Variants in LSM12 observed in about 807,000 individuals in gnomAD.
LSM12 encodes protein LSM12.
For synonymous variants in LSM12, 74 were observed against 87.3 expected, an observed-to-expected ratio of 0.85 and a Z score of 0.85; for missense variants, 108 against 238.9, an observed-to-expected ratio of 0.45 and a Z score of 3.61.
At chr17:44,046,289 C>CT (rs1555624030) in intron 2 of LSM12, among the ~76,000 whole-genome samples, 13 of 152,004 alleles carry the variant, frequency 8.6e-5, no homozygotes, top group Non-Finnish European at 1.5e-5. Flanking sequence ...TAAAAAGTCT[C>CT]TGTGTGTGGA....
intron 2 of LSM12, among the ~76,000 whole-genome samples, chr17:44,056,449 T>C (rs664610): frequency 0.93 from 141,093 of 152,042 alleles, 65,580 homozygotes; most frequent in East Asian, 1. Context: ...ACTCCCCAAC[T>C]GACAAAAAAT....
intron 2 of LSM12, among the ~76,000 whole-genome samples, chr17:44,061,146 C>T (rs1262291097): frequency 1.3e-5 from 2 of 151,894 alleles, no homozygotes; most frequent in South Asian, 4.1e-4. Flanking sequence ...GGAGAAACCC[C>T]GTCTCTACTA....
At chr17:44,066,743 G>C (rs1383898156), upstream of LSM12, 13 of 963,200 alleles carry the variant, frequency 1.3e-5, no homozygotes, top group East Asian at 4.5e-4. Flanking sequence ...CCTAGGTGGA[G>C]TGGGAAAGAA....
intron 2 of LSM12, among the ~76,000 whole-genome samples, chr17:44,057,853 G>A (rs2049738879): frequency 6.6e-6 from 1 of 152,006 alleles, no homozygotes. Flanking sequence ...TAGTGTAATG[G>A]CATAAATCTT....
intron 2 of LSM12, among the ~76,000 whole-genome samples, chr17:44,055,230 G>C (rs577323822): frequency 1.3e-5 from 2 of 152,076 alleles, no homozygotes; most frequent in South Asian, 4.1e-4. Flanking sequence ...AAACTTGCTT[G>C]CCTTAGACAA....
chr17:44,054,690 C>T (rs570100385), intron 2 of LSM12, among the ~76,000 whole-genome samples: 1 of 152,286 alleles, frequency 6.6e-6, no homozygotes, highest in East Asian at 1.9e-4. Context: ...GCCCCTGCCA[C>T]TCAGCAGTGA....
intron 1 of LSM12, 97 bp downstream of exon 1, chr17:44,066,367 G>T: frequency 6.9e-7 from 1 of 1,455,218 alleles, no homozygotes; most frequent in Non-Finnish European, 9.1e-7. Flanking sequence ...TCGCCCCTAG[G>T]CCCGGAGAGA....
At chr17:44,058,603 C>T (rs974015588) in intron 2 of LSM12, among the ~76,000 whole-genome samples, 3 of 151,964 alleles carry the variant, frequency 2.0e-5, no homozygotes, top group Admixed American at 6.6e-5. Flanking sequence ...GAGGCCAAGG[C>T]GGGTGGATCA....
intron 1 of LSM12, among the ~76,000 whole-genome samples, chr17:44,064,602 A>C (rs371776740): frequency 3.3e-4 from 50 of 152,018 alleles, no homozygotes; most frequent in African/African-American, 1.2e-3. Flanking sequence ...GTGTGGTGGC[A>C]CATGCCTGTA....
Position 44,038,648 on chromosome 17 carries a change from C to T in LSM12, c.369-1110G>A, listed in dbSNP as rs1185585245. 3.3e-5 allele frequency among the ~76,000 whole-genome samples: 5 copies of T among 151,580 alleles called. No individual in the cohort carries two copies. The East Asian group carries it at 7.8e-4, about 24-fold the overall frequency. On this transcript the variant is annotated intron_variant, in intron 3 of 4. Coordinates refer to ENST00000293406, the MANE Select transcript of LSM12 (RefSeq NM_001371445.1). ...CCAGCCTGGTGACAGAGTGAGACTCCGACTCAAAAAAAAGAGAGAGAGAAC... is the reference window on the plus strand; with the variant it reads ...CCAGCCTGGTGACAGAGTGAGACTCTGACTCAAAAAAAAGAGAGAGAGAAC...
chr17:44,038,398 G>A (rs1461091785), intron 3 of LSM12, among the ~76,000 whole-genome samples: 2 of 150,784 alleles, frequency 1.3e-5, no homozygotes, highest in Admixed American at 6.6e-5. Flanking sequence ...AGTGGCTCAC[G>A]CCTGTAATCC....
Position 44,050,719 on chromosome 17 carries a change from C to T in LSM12, c.259-10463G>A, listed in dbSNP as rs150533684. On this transcript the variant is annotated intron_variant, in intron 2 of 4. Coordinates refer to ENST00000293406, the MANE Select transcript of LSM12 (RefSeq NM_001371445.1). ...TATTTTGAGAAGAGATGGGGTTTCA[C>T]CCTGTTGGCCAAGCTGGTCTCGAAC... is the stretch of plus-strand genomic sequence containing the variant. Among the ~76,000 whole-genome samples the T allele has an allele frequency of 1.4e-3, 220 of 152,180 alleles. 5 individuals are homozygous for T. In the East Asian group the frequency reaches 0.04, roughly 28 times the overall value.
In LSM12 at chr17:44,059,466, C is replaced by T. The variant is rs113141266; in HGVS notation, c.258+4335G>A. ...TAGCCGGGCATGGTGGCAGCAGGCG[C>T]CTGTAATCCCAGCTACTCAGGAGGC... On this transcript the variant is annotated intron_variant, in intron 2 of 4. Transcript: ENST00000293406. Among the ~76,000 whole-genome samples, 277 of 152,038 alleles carry T rather than the reference C, an allele frequency of 1.8e-3. 4 individuals are homozygous for T. Among genetic ancestry groups the T allele is most frequent in the African/African-American group, 6.5e-3 (270 of 41,468 alleles).
At chr17:44,050,517 T>C (rs1417304153) in intron 2 of LSM12, among the ~76,000 whole-genome samples, 1 of 138,236 alleles carries the variant, frequency 7.2e-6, no homozygotes, top group Non-Finnish European at 1.6e-5. Context: ...TGCCTGAACA[T>C]TTTTTTTTTT....
chr17:44,042,403 T>C (rs570833180), intron 2 of LSM12, among the ~76,000 whole-genome samples: 2 of 152,140 alleles, frequency 1.3e-5, no homozygotes, highest in Non-Finnish European at 2.9e-5. Context: ...AAACTAAGCA[T>C]AGCTTTTTTT....
At chr17:44,062,032 TAACACAGTGA>T (rs894966168) in intron 2 of LSM12, among the ~76,000 whole-genome samples, 6 of 151,976 alleles carry the variant, frequency 3.9e-5, no homozygotes, top group Non-Finnish European at 8.8e-5. Flanking sequence ...CCGTCCTGGC[TAACACAGTGA>T]AACCCCGTCT....
intron 1 of LSM12, 127 bp downstream of exon 1, chr17:44,066,337 C>G: frequency 7.8e-7 from 1 of 1,281,278 alleles, no homozygotes. Context: ...CGCATGCGCC[C>G]CGGGCGCCGC....
chr17:44,058,182 A>G (rs2049744955), intron 2 of LSM12, among the ~76,000 whole-genome samples: 2 of 151,862 alleles, frequency 1.3e-5, no homozygotes, highest in Admixed American at 6.6e-5. Flanking sequence ...GCTTGCAGTG[A>G]GCCGAGATCG....
chr17:44,046,228 C>T (rs1378177870), intron 2 of LSM12, among the ~76,000 whole-genome samples: 1 of 151,822 alleles, frequency 6.6e-6, no homozygotes, highest in Admixed American at 6.6e-5. Context: ...AGTCACCATG[C>T]CCAGCCAACG....
Sources: allele counts gnomAD v4.1 joint callset (sites outside exome capture counted in the v4.1 genomes callset), GRCh38; gene constraint gnomAD v4.1.1; transcripts MANE v1.5; gene names NCBI Gene and HGNC (gene_info 2026-07-23, HGNC 2026-07-21).